Variants in ATAD2B observed in about 807,000 individuals in gnomAD.
The protein encoded by ATAD2B is ATPase family AAA domain containing 2B, also known as ATPase family AAA domain-containing protein 2B.
In ATAD2B, 40 loss-of-function variants were observed where a neutral mutation model predicts 167.6. That is an observed-to-expected ratio of 0.24 (90% confidence interval 0.19 to 0.31). The LOEUF is 0.31. ATAD2B is among the 10% of genes least tolerant of loss of function. ATAD2B has a pLI of 1.00. For missense variants in ATAD2B, 1,242 were observed against 1,757.2 expected (o/e 0.71, Z 5.24); for synonymous variants, 579 against 596.5 (o/e 0.97, Z 0.43).
At chr2:23,807,620 T>G (rs1684635526) in intron 18 of ATAD2B, among the ~76,000 whole-genome samples, 1 of 151,712 alleles carries the variant, frequency 6.6e-6, no homozygotes, top group South Asian at 2.1e-4. Context: ...ATCAAGGCCA[T>G]CCTGGCTAAC....
chr2:23,872,882 C>A, intron 8 of ATAD2B: 1 of 799,004 alleles, frequency 1.3e-6, no homozygotes. Flanking sequence ...CTCACAGTGC[C>A]TGCCTGCCTG....
At chr2:23,693,224 G>A in the ATAD2B span, 1 of 1,513,374 alleles carries the variant, frequency 6.6e-7, no homozygotes, top group Non-Finnish European at 8.9e-7. Flanking sequence ...GGTGGCAACT[G>A]CTTCCCGGGC....
At position 23,786,182 on chromosome 2, in the gene ATAD2B, G is replaced by A; in HGVS notation, c.2818C>T (p.Pro940Ser). The A allele has an allele frequency of 6.3e-7, 1 of 1,592,872 alleles. No homozygotes were observed. Residue 940 changes from proline (P) to serine (S), a missense_variant, in exon 21 of 28, where the codon CCA becomes TCA. By Grantham distance (74) the Pro-to-Ser change is moderately conservative. Around this residue, in one of 9 missense-constraint regions of ATAD2B, gnomAD observed 204 missense variants for 324.0 expected, o/e 0.63. Transcript: ENST00000238789. ...TCTGATTCTGATAATTGACGAGGTG[G>A]AGAAGGTAGTGCAAGAGGAAGCACT... ...MEVLPLALPS[P>S]PRQLSESEKS...
intron 18 of ATAD2B, among the ~76,000 whole-genome samples, chr2:23,808,652 G>A (rs1367977674): frequency 1.3e-5 from 2 of 152,080 alleles, no homozygotes; most frequent in South Asian, 2.1e-4. Flanking sequence ...AGTTGACACT[G>A]TAAGTTTTCC....
intron 1 of ATAD2B, among the ~76,000 whole-genome samples, chr2:23,917,981 G>A (rs1187120587): frequency 2.0e-5 from 3 of 151,754 alleles, no homozygotes; most frequent in Non-Finnish European, 4.4e-5. Flanking sequence ...TCGCTTGAAC[G>A]CCAGAGGCAG....
chr2:23,871,883 TTTC>T (rs1020193586), intron 8 of ATAD2B, among the ~76,000 whole-genome samples: 1 of 152,108 alleles, frequency 6.6e-6, no homozygotes, highest in Admixed American at 6.6e-5. Flanking sequence ...TGGGTTTGTT[TTTC>T]TTTTTTTTTG....
chr2:23,876,825 T>G (rs1448561802), intron 7 of ATAD2B, among the ~76,000 whole-genome samples: 1 of 151,668 alleles, frequency 6.6e-6, no homozygotes, highest in Admixed American at 6.6e-5. Flanking sequence ...CCCAGCACTT[T>G]GGGAGGCCGA....
chr2:23,710,209 A>G, the ATAD2B span, among the ~76,000 whole-genome samples: 1 of 152,186 alleles, frequency 6.6e-6, no homozygotes, highest in Non-Finnish European at 1.5e-5. Context: ...TTTATTAAAG[A>G]ACCCATGTAA....
chr2:23,690,256 A>G, the ATAD2B span: 1 of 152,232 alleles, frequency 6.6e-6, no homozygotes, highest in South Asian at 2.1e-4. Context: ...CTCTGTCACA[A>G]AATCTCCAAG....
At chr2:23,917,886 CT>C (rs1463466722) in intron 1 of ATAD2B, among the ~76,000 whole-genome samples, 1 of 151,916 alleles carries the variant, frequency 6.6e-6, no homozygotes, top group Non-Finnish European at 1.5e-5. Context: ...TGGAGAAACC[CT>C]GTCTCTACTA....
At chr2:23,825,339 A>G (rs996237631) in intron 15 of ATAD2B, among the ~76,000 whole-genome samples, 6 of 152,118 alleles carry the variant, frequency 3.9e-5, no homozygotes, top group African/African-American at 1.4e-4. Context: ...AAAGTTAGGG[A>G]AAAACTTAAT....
intron 13 of ATAD2B, among the ~76,000 whole-genome samples, chr2:23,841,982 T>G (rs970749487): frequency 2.2e-4 from 33 of 152,344 alleles, no homozygotes; most frequent in African/African-American, 7.5e-4. Flanking sequence ...TTCCACTATT[T>G]TACTTTGAAC....
intron 18 of ATAD2B, among the ~76,000 whole-genome samples, chr2:23,809,342 G>A (rs1017590882): frequency 6.6e-6 from 1 of 152,112 alleles, no homozygotes; most frequent in African/African-American, 2.4e-5. Flanking sequence ...TGAAGTGCTG[G>A]TAGGGTGTTC....
chr2:23,912,086 T>C (rs1363126518), intron 1 of ATAD2B, among the ~76,000 whole-genome samples: 1 of 151,656 alleles, frequency 6.6e-6, no homozygotes, highest in African/African-American at 2.4e-5. Flanking sequence ...TCATGAAACA[T>C]TTACCAAAAT....
intron 2 of ATAD2B, among the ~76,000 whole-genome samples, chr2:23,892,265 G>A (rs1031716836): frequency 3.3e-5 from 5 of 152,120 alleles, no homozygotes; most frequent in Admixed American, 2.0e-4. Flanking sequence ...CCTGGTTCAC[G>A]CCATTCTCCT....
intron 1 of ATAD2B, among the ~76,000 whole-genome samples, chr2:23,897,584 A>G (rs1261757332): frequency 1.3e-5 from 2 of 152,210 alleles, no homozygotes; most frequent in South Asian, 2.1e-4. Context: ...TATTTTTATC[A>G]GTATCATGGA....
At chr2:23,871,917 A>G (rs55948613) in intron 8 of ATAD2B, among the ~76,000 whole-genome samples, 28,427 of 151,928 alleles carry the variant, frequency 0.19, 2,771 homozygotes, top group Middle Eastern at 0.26. Context: ...TCGCACGGTC[A>G]CCCCGGCTAG....
At chr2:23,834,152 CT>C (rs11378615) in intron 13 of ATAD2B, 74 bp from the exon 14 acceptor site, 3,413 of 119,264 alleles carry the variant, frequency 0.029, 2 homozygotes, top group South Asian at 0.092. Flanking sequence ...ATCAGTCTTT[CT>C]TTTTTTTTTT....
At chr2:23,907,036 C>A (rs1363394379) in intron 1 of ATAD2B, among the ~76,000 whole-genome samples, 1 of 151,074 alleles carries the variant, frequency 6.6e-6, no homozygotes, top group Non-Finnish European at 1.5e-5. Context: ...AAACTGGAAG[C>A]ATTCCCTTTG....
Sources: gnomAD v4.1 joint callset for allele counts (sites outside exome capture counted in the v4.1 genomes callset) on GRCh38, gnomAD v4.1.1 for gene constraint, gnomAD v4.1.1 regional missense constraint, MANE v1.5 for transcripts, NCBI Gene and HGNC (gene_info 2026-07-23, HGNC 2026-07-21) for gene names.